The following CNST variants were observed in gnomAD, a reference collection of about 807,000 sequenced individuals.
CNST encodes the protein consortin.
CNST carries 39 observed loss-of-function variants against 72.4 expected under a neutral mutation model. The observed-to-expected ratio is 0.54, with a 90% CI of 0.42 to 0.70. The LOEUF (loss-of-function observed/expected upper bound fraction) is 0.70. CNST is among the 30% of genes least tolerant of loss of function. The probability of loss-of-function intolerance (pLI) is 0.00; values close to 1 mark genes in which losing one functional copy is unlikely to be tolerated. For synonymous variants in CNST, 332 were observed against 320.1 expected, an observed-to-expected ratio of 1.04 and a Z score of -0.40; for missense variants, 871 against 868.5, an observed-to-expected ratio of 1.00 and a Z score of -0.04.
intron 3 of CNST, among the ~76,000 whole-genome samples, chr1:246,622,036 A>G (rs1393772344): frequency 2.6e-5 from 4 of 152,172 alleles, no homozygotes; most frequent in African/African-American, 7.2e-5. Flanking sequence ...AATAAAATGC[A>G]ATCTCTGTAA....
chr1:246,588,842 T>C (rs894305159), intron 1 of CNST, among the ~76,000 whole-genome samples: 4 of 152,172 alleles, frequency 2.6e-5, no homozygotes, highest in African/African-American at 7.2e-5. Flanking sequence ...TTCAATTTCA[T>C]AAAATGTACA....
At chr1:246,570,076 G>C (rs1371113070) in intron 1 of CNST, 1 of 194,780 alleles carries the variant, frequency 5.1e-6, no homozygotes, top group East Asian at 1.9e-4. Context: ...GCAAAATTTA[G>C]AAAGGAAGAG....
At chr1:246,598,149 ATTT>A (rs56847805) in intron 2 of CNST, among the ~76,000 whole-genome samples, 8 of 135,544 alleles carry the variant, frequency 5.9e-5, no homozygotes, top group Admixed American at 1.5e-4. Context: ...GCTCAGCTGA[ATTT>A]TTTTTTTTTT....
At chr1:246,611,770 C>T (rs920200068) in intron 2 of CNST, among the ~76,000 whole-genome samples, 5 of 152,264 alleles carry the variant, frequency 3.3e-5, no homozygotes, top group African/African-American at 1.2e-4. Context: ...CGAGCAGATA[C>T]TTGTACACTA....
At chr1:246,611,075 C>A (rs1349295556) in intron 2 of CNST, among the ~76,000 whole-genome samples, 1 of 152,136 alleles carries the variant, frequency 6.6e-6, no homozygotes, top group African/African-American at 2.4e-5. Context: ...CTTTGGGTAG[C>A]CCCAGACAGA....
intron 9 of CNST, among the ~76,000 whole-genome samples, chr1:246,659,853 G>A (rs971519832): frequency 2.0e-5 from 3 of 152,204 alleles, no homozygotes; most frequent in Non-Finnish European, 4.4e-5. Context: ...TGCTAATGAC[G>A]AAGCAAAGAG....
chr1:246,632,030 TG>T, intron 4 of CNST, 106 bp downstream of exon 4: 1 of 693,704 alleles, frequency 1.4e-6, no homozygotes, highest in Non-Finnish European at 2.5e-6. Flanking sequence ...ACAGATCATA[TG>T]GTTTCAGTGG....
At chr1:246,609,400 A>T (rs1663150640) in intron 2 of CNST, among the ~76,000 whole-genome samples, 1 of 152,084 alleles carries the variant, frequency 6.6e-6, no homozygotes, top group South Asian at 2.1e-4. Context: ...ACATGGCAAA[A>T]CCCCGTCTCT....
At position 246,584,379 on chromosome 1, in the gene CNST, A is replaced by G. The variant is rs1314872124; in HGVS notation, c.-51-7133A>G. Among the ~76,000 whole-genome samples the G allele has an allele frequency of 3.3e-5, 5 of 152,332 alleles. No individual in the cohort carries two copies. In the South Asian group the frequency reaches 8.3e-4, roughly 25 times the overall value. ...AGTAAACCAGGGGCAAGAGTTTCAAAAAATGCATTCAGATGTCCACATAAA... is the reference window on the plus strand; with the variant it reads ...AGTAAACCAGGGGCAAGAGTTTCAAGAAATGCATTCAGATGTCCACATAAA... On this transcript the variant is annotated intron_variant, in intron 1 of 10. Coordinates refer to ENST00000366513, the MANE Select transcript of CNST (RefSeq NM_152609.3).
chr1:246,627,147 C>A (rs1664491353), intron 3 of CNST, among the ~76,000 whole-genome samples: 1 of 152,236 alleles, frequency 6.6e-6, no homozygotes, highest in Non-Finnish European at 1.5e-5. Context: ...CCACTTAGTG[C>A]TTTCTCTCTA....
chr1:246,582,952 G>A (rs535414608), intron 1 of CNST, among the ~76,000 whole-genome samples: 17 of 152,282 alleles, frequency 1.1e-4, no homozygotes, highest in African/African-American at 2.6e-4. Flanking sequence ...GCACTCATTC[G>A]CCCTGTCTGA....
intron 2 of CNST, among the ~76,000 whole-genome samples, chr1:246,604,729 C>T (rs185558150): frequency 1.2e-3 from 178 of 151,584 alleles, no homozygotes; most frequent in African/African-American, 4.2e-3. Flanking sequence ...AGTGCAATGG[C>T]GTGATCTCCG....
chr1:246,585,803 G>C (rs1215129403), intron 1 of CNST, among the ~76,000 whole-genome samples: 1 of 151,284 alleles, frequency 6.6e-6, no homozygotes, highest in Non-Finnish European at 1.5e-5. Flanking sequence ...GCCTACGCTG[G>C]GCGTGGTGGC....
chr1:246,629,160 G>A (rs1006635436), intron 3 of CNST, among the ~76,000 whole-genome samples: 1 of 152,128 alleles, frequency 6.6e-6, no homozygotes, highest in African/African-American at 2.4e-5. Flanking sequence ...GTTGAGGCTT[G>A]AGATGCGAAA....
At chr1:246,570,121 GAGTAA>G in intron 1 of CNST, 1 of 154,622 alleles carries the variant, frequency 6.5e-6, no homozygotes, top group Non-Finnish European at 1.4e-5. Flanking sequence ...CTGGGAGCCT[GAGTAA>G]AGTAAAAGAT....
rs1410387760 is a variant in CNST, at chr1:246,660,327, G to A, written c.1965G>A (p.Leu655=). 6.2e-7 allele frequency: 1 copy of A among 1,613,282 alleles called. No individual in the cohort carries two copies. The highest frequency in any genetic ancestry group is 8.5e-7 in the Non-Finnish European group (1 of 1,179,794). Residue 655 remains leucine, a synonymous_variant, in exon 10 of 11, where the codon TTG becomes TTA. Coordinates refer to ENST00000366513, the MANE Select transcript of CNST (RefSeq NM_152609.3). ...GATTCCAAGAAATAGACGATAGCTT[G>A]GATCAAGGTAAACCGCTTGGCACTG... ...RVRFQEIDDS[L]DQDEVGGGSC...
intron 8 of CNST, among the ~76,000 whole-genome samples, chr1:246,644,096 T>G (rs765303983): frequency 6.6e-6 from 1 of 152,184 alleles, no homozygotes; most frequent in African/African-American, 2.4e-5. Flanking sequence ...CAGTCACTTA[T>G]AAGCTATTAA....
chr1:246,652,168 C>A (rs1666480660), intron 9 of CNST, among the ~76,000 whole-genome samples: 1 of 152,190 alleles, frequency 6.6e-6, no homozygotes, highest in Non-Finnish European at 1.5e-5. Flanking sequence ...CCTGATCATG[C>A]AAATAAATCA....
At chr1:246,602,611 T>C (rs537778457) in intron 2 of CNST, among the ~76,000 whole-genome samples, 2 of 152,336 alleles carry the variant, frequency 1.3e-5, no homozygotes, top group South Asian at 2.1e-4. Flanking sequence ...CCATCACTTC[T>C]GCATATTCCT....
Sources: gnomAD v4.1 joint callset for allele counts (sites outside exome capture counted in the v4.1 genomes callset) on GRCh38, gnomAD v4.1.1 for gene constraint, MANE v1.5 for transcripts, NCBI Gene and HGNC (gene_info 2026-07-23, HGNC 2026-07-21) for gene names.